IQCH: variants seen among roughly 807,000 people sequenced by gnomAD.
IQCH encodes the protein IQ domain-containing protein H.
IQCH carries 98 observed loss-of-function variants against 117.0 expected under a neutral mutation model. That is an observed-to-expected ratio of 0.84 (90% CI 0.71 to 0.99). The LOEUF (loss-of-function observed/expected upper bound fraction) is 0.99. IQCH is among the 50% of genes least tolerant of loss of function. The pLI is 0.00. For missense variants in IQCH, 1,102 were observed against 1,243.8 expected (o/e 0.89, Z 1.72); for synonymous variants, 412 against 448.2 (o/e 0.92, Z 1.02).
At chr15:67,311,664 GTTAC>G (rs1256016153) in intron 4 of IQCH, among the ~76,000 whole-genome samples, 4 of 150,964 alleles carry the variant, frequency 2.6e-5, no homozygotes, top group East Asian at 1.9e-4. Flanking sequence ...ATATGCAATT[GTTAC>G]TTATATATGT....
intron 16 of IQCH, among the ~76,000 whole-genome samples, chr15:67,434,957 T>C (rs1204162712): frequency 6.7e-6 from 1 of 148,372 alleles, no homozygotes; most frequent in East Asian, 2.0e-4. Flanking sequence ...TTTTTTTTAA[T>C]TTTTTTGTAT....
intron 12 of IQCH, among the ~76,000 whole-genome samples, chr15:67,394,473 C>T (rs780826284): frequency 6.6e-6 from 1 of 152,188 alleles, no homozygotes; most frequent in African/African-American, 2.4e-5. Context: ...TGGCCCTTCT[C>T]TGCCCCATCT....
rs2083618106 is a variant in IQCH, at chr15:67,490,450, C to T, written c.2861+386C>T. 6.6e-6 allele frequency among the ~76,000 whole-genome samples: 1 copy of T among 152,140 alleles called. No homozygotes were observed. Among genetic ancestry groups the T allele is most frequent in the Non-Finnish European group, 1.5e-5 (1 of 68,040 alleles). ...CGATCTCTTGACCTCGTGATGCACC[C>T]ACCTGGGCCTCTCAAAGTGCTGGGA... On this transcript the variant is annotated intron_variant, in intron 19 of 20. Coordinates refer to ENST00000335894, the MANE Select transcript of IQCH (RefSeq NM_001031715.3). This position sits in a 1 kb window ranked among gnomAD's most constrained non-coding sequence, Gnocchi z 4.9.
At chr15:67,293,569 A>G (rs1189450002) in intron 4 of IQCH, among the ~76,000 whole-genome samples, 1 of 151,742 alleles carries the variant, frequency 6.6e-6, no homozygotes, top group Non-Finnish European at 1.5e-5. Flanking sequence ...AAGAGTCTGT[A>G]TATGTTTGGT....
chr15:67,321,662 G>C (rs1968140999), intron 4 of IQCH, among the ~76,000 whole-genome samples: 1 of 149,198 alleles, frequency 6.7e-6, no homozygotes, highest in Non-Finnish European at 1.5e-5. Context: ...CTTAGGCCCT[G>C]CCTGTCCTGA....
chr15:67,447,749 T>G lies in IQCH; in HGVS notation c.2506-17378T>G, dbSNP rs1252336107. Among the ~76,000 whole-genome samples, 2 of 152,178 alleles carry G rather than the reference T, an allele frequency of 1.3e-5. No individual in the cohort carries two copies. Among genetic ancestry groups the G allele is most frequent in the African/African-American group, 4.8e-5 (2 of 41,456 alleles). On this transcript the variant is annotated intron_variant, in intron 16 of 20. Transcript: ENST00000335894. This position sits in a 1 kb window ranked among gnomAD's most constrained non-coding sequence, Gnocchi z 5.3. Reference sequence around the variant, plus strand: ...GCCCCTTCTCTTCTGGGTTTGACCATGTCCAGTCCCTCTCAGTCCAGGAGC... The same window carrying G: ...GCCCCTTCTCTTCTGGGTTTGACCAGGTCCAGTCCCTCTCAGTCCAGGAGC...
chr15:67,454,155 A>G lies in IQCH; in HGVS notation c.2506-10972A>G, dbSNP rs2082601608. On this transcript the variant is annotated intron_variant, in intron 16 of 20. Transcript: ENST00000335894. This position sits in a 1 kb window ranked among gnomAD's most constrained non-coding sequence, Gnocchi z 5.2. ...CTCCTTTCTTTGACTAGGAAAGGGA[A>G]TTCCCTGACCCCTTGCGCTTCCCAG... 6.6e-6 allele frequency among the ~76,000 whole-genome samples: 1 copy of G among 152,194 alleles called. No homozygotes were observed. Among genetic ancestry groups the G allele is most frequent in the Non-Finnish European group, 1.5e-5 (1 of 68,034 alleles).
intron 16 of IQCH, among the ~76,000 whole-genome samples, chr15:67,442,223 C>T (rs1215301357): frequency 1.3e-5 from 2 of 151,910 alleles, no homozygotes; most frequent in East Asian, 3.9e-4. Flanking sequence ...CCAGCCTGAC[C>T]GACATGGAGA....
At position 67,445,270 on chromosome 15, in the gene IQCH, A is replaced by G. The variant is rs1399988323; in HGVS notation, c.2506-19857A>G. On this transcript the variant is annotated intron_variant, in intron 16 of 20. Coordinates refer to ENST00000335894, the MANE Select transcript of IQCH (RefSeq NM_001031715.3). The surrounding 1 kb of genome is among the most constrained non-coding windows in gnomAD (Gnocchi z 4.3). ...AAATGGAACTGTTTTAGCAATATGT[A>G]TATTCCTTTAAACATATATTTTGCT... is the stretch of plus-strand genomic sequence containing the variant. Among the ~76,000 whole-genome samples, 2 of 152,216 alleles carry G rather than the reference A, an allele frequency of 1.3e-5. No homozygotes were observed. The highest frequency in any genetic ancestry group is 2.9e-5 in the Non-Finnish European group (2 of 68,038).
In IQCH at chr15:67,494,344, T is replaced by C. The variant is rs145160441; in HGVS notation, c.2948T>C (p.Met983Thr). 3.1e-6 allele frequency: 5 copies of C among 1,612,586 alleles called. No individual in the cohort carries two copies. The highest frequency in any genetic ancestry group is 1.3e-5 in the African/African-American group (1 of 74,882). ...IIHQEISAPNMQGETNFKTTI... is the reference protein window; with the variant it reads ...IIHQEISAPNTQGETNFKTTI... Reference sequence around the variant, plus strand: ...CATCAAGAAATATCAGCACCTAATATGCAAGGCGAGACCAATTTTAAGGTG... The same window carrying C: ...CATCAAGAAATATCAGCACCTAATACGCAAGGCGAGACCAATTTTAAGGTG... The change falls in exon 20 of 21, where the codon ATG becomes ACG. Residue 983 changes from methionine to threonine, a missense_variant. Coordinates refer to ENST00000335894, the MANE Select transcript of IQCH (RefSeq NM_001031715.3). The surrounding 1 kb of genome is among the most constrained non-coding windows in gnomAD (Gnocchi z 5.5).
At chr15:67,428,773 C>T (rs1240907420) in intron 16 of IQCH, among the ~76,000 whole-genome samples, 35 of 150,124 alleles carry the variant, frequency 2.3e-4, no homozygotes, top group East Asian at 5.9e-4. Context: ...CGCTTGAACC[C>T]GGGTGGTGGA....
intron 18 of IQCH, among the ~76,000 whole-genome samples, chr15:67,484,240 C>G (rs1051150917): frequency 6.6e-6 from 1 of 151,578 alleles, no homozygotes; most frequent in Non-Finnish European, 1.5e-5. Flanking sequence ...ACCCTGTCTC[C>G]ACAAAAAATA....
chr15:67,335,343 A>G (rs1341044147), intron 4 of IQCH, among the ~76,000 whole-genome samples: 2 of 152,204 alleles, frequency 1.3e-5, no homozygotes, highest in Non-Finnish European at 2.9e-5. Flanking sequence ...AAATCCGGAT[A>G]AATTATCCTC....
In IQCH at chr15:67,430,399, T is replaced by TGC. The variant is rs1307451057; in HGVS notation, c.2505+8823_2505+8824dup. The stretch of plus-strand genomic sequence containing the variant: ...GGACCTACTCTGGCTTCCTGTTAGG[T>TGC]GCTGTGGAAATAAACAAGACATCTT... On this transcript the variant is annotated intron_variant, in intron 16 of 20. Coordinates refer to ENST00000335894, the MANE Select transcript of IQCH (RefSeq NM_001031715.3). The surrounding 1 kb of genome is among the most constrained non-coding windows in gnomAD (Gnocchi z 5.1). The TGC allele has an allele frequency of 6.6e-6, 1 of 152,150 alleles. No individual in the cohort carries two copies. Among genetic ancestry groups the TGC allele is most frequent in the Non-Finnish European group, 1.5e-5 (1 of 68,038 alleles). The allele number at this position is 152,150 out of a possible 1,614,324, so 9.4% of individuals were successfully genotyped here. A position where few individuals can be genotyped will look rare whatever the true frequency, so the allele number is the denominator to read the frequency against.
At chr15:67,392,915 C>T (rs929729402) in intron 12 of IQCH, among the ~76,000 whole-genome samples, 1 of 152,064 alleles carries the variant, frequency 6.6e-6, no homozygotes, top group African/African-American at 2.4e-5. Flanking sequence ...ATCCTCTTCT[C>T]AGAGGAGCTC....
intron 12 of IQCH, among the ~76,000 whole-genome samples, chr15:67,394,643 A>G (rs1219391354): frequency 3.3e-5 from 5 of 152,238 alleles, no homozygotes; most frequent in Non-Finnish European, 7.3e-5. Flanking sequence ...GCTGGGACTA[A>G]CTAGTCAAAA....
rs904878833 is a variant in IQCH, at chr15:67,479,975, G to A, written c.2799+4157G>A. On this transcript the variant is annotated intron_variant, in intron 18 of 20. Coordinates refer to ENST00000335894, the MANE Select transcript of IQCH (RefSeq NM_001031715.3). The surrounding 1 kb of genome is among the most constrained non-coding windows in gnomAD (Gnocchi z 4.6). ...TAAGCAACTTGGTGGGTCTCATTCC[G>A]GGTATTTCTCTAATGCTACAGAATA... 4.6e-5 allele frequency among the ~76,000 whole-genome samples: 7 copies of A among 152,180 alleles called. 1 individual carries two copies. The highest frequency in any genetic ancestry group is 1.2e-4 in the African/African-American group (5 of 41,444).
chr15:67,450,906 T>C (rs910873761), intron 16 of IQCH, among the ~76,000 whole-genome samples: 6 of 152,232 alleles, frequency 3.9e-5, no homozygotes. Flanking sequence ...TCAGAGCCTG[T>C]TATTGGTCTA....
rs182616493 is a variant in IQCH, at chr15:67,497,741, C to T, written c.2971-2892C>T. Among the ~76,000 whole-genome samples the T allele has an allele frequency of 1.5e-3, 221 of 152,268 alleles. 2 individuals carry two copies. The highest frequency in any genetic ancestry group is 3.4e-3 in the Middle Eastern group (1 of 294). On this transcript the variant is annotated intron_variant, in intron 20 of 20. Coordinates refer to ENST00000335894, the MANE Select transcript of IQCH (RefSeq NM_001031715.3). ...TCCTGACCTCGTGATCCGCCCGCCT[C>T]GGCCTCCCAAAGTGCTGGGATTACA...
Sources: allele counts gnomAD v4.1 joint callset (sites outside exome capture counted in the v4.1 genomes callset), GRCh38; gene constraint gnomAD v4.1.1; non-coding constraint Gnocchi (gnomAD v3.1); transcripts MANE v1.5; gene names NCBI Gene and HGNC (gene_info 2026-07-23, HGNC 2026-07-21).